Variants in DCAF6 observed in about 807,000 individuals in gnomAD.
DCAF6 encodes DDB1- and CUL4-associated factor 6.
Under a neutral mutation model 125.1 loss-of-function variants are expected in DCAF6, and 54 were observed. The observed-to-expected ratio is 0.43, with a 90% CI of 0.35 to 0.54. DCAF6 has a LOEUF of 0.54. DCAF6 is among the 20% of genes least tolerant of loss of function. The probability of loss-of-function intolerance (pLI) is 0.01; values close to 1 mark genes in which losing one functional copy is unlikely to be tolerated. For synonymous variants in DCAF6, 371 were observed against 390.4 expected (o/e 0.95, Z 0.58); for missense variants, 934 against 1,161.7 (o/e 0.80, Z 2.85).
chr1:167,942,492 T>C (rs1672405053), intron 1 of DCAF6, among the ~76,000 whole-genome samples: 1 of 152,250 alleles, frequency 6.6e-6, no homozygotes, highest in African/African-American at 2.4e-5. Context: ...TATAATTCTT[T>C]ATATAACAGT....
chr1:167,990,495 A>G (rs182472367), intron 5 of DCAF6, among the ~76,000 whole-genome samples: 3 of 152,362 alleles, frequency 2.0e-5, no homozygotes, highest in Admixed American at 2.0e-4. Flanking sequence ...TTCTAATGGT[A>G]CTAATGACTT....
chr1:168,016,650 A>G (rs17557135), intron 11 of DCAF6, among the ~76,000 whole-genome samples: 31,408 of 152,066 alleles, frequency 0.21, 3,875 homozygotes, highest in Admixed American at 0.36. Context: ...ATGATGCTCA[A>G]TAAACATTTG....
intron 7 of DCAF6, among the ~76,000 whole-genome samples, chr1:167,993,963 GTTACTAA>G (rs1048919199): frequency 6.7e-6 from 1 of 150,370 alleles, no homozygotes; most frequent in African/African-American, 2.5e-5. Flanking sequence ...TTAGCAATTA[GTTACTAA>G]TTACTAATAG....
chr1:167,944,585 C>T (rs1299768986), intron 1 of DCAF6, among the ~76,000 whole-genome samples: 1 of 151,990 alleles, frequency 6.6e-6, no homozygotes, highest in African/African-American at 2.4e-5. Flanking sequence ...TTTTCATATA[C>T]CTGTTGGGTG....
At chr1:167,965,631 G>GT (rs1460714044) in intron 2 of DCAF6, among the ~76,000 whole-genome samples, 5 of 152,004 alleles carry the variant, frequency 3.3e-5, no homozygotes, top group Admixed American at 1.3e-4. Context: ...GTTCCCTGGA[G>GT]TTTTTTTCTT....
intron 12 of DCAF6, among the ~76,000 whole-genome samples, chr1:168,028,169 A>G (rs957267470): frequency 3.3e-5 from 5 of 152,128 alleles, no homozygotes; most frequent in African/African-American, 4.8e-5. Flanking sequence ...TCTCTCTACT[A>G]TAAGAGGAAA....
chr1:168,036,043 C>G (rs376217535), intron 12 of DCAF6, among the ~76,000 whole-genome samples: 19 of 151,798 alleles, frequency 1.3e-4, no homozygotes, highest in African/African-American at 4.4e-4. Flanking sequence ...GTCTGGGGAA[C>G]AAAAAGAGCC....
the DCAF6 span, among the ~76,000 whole-genome samples, chr1:167,866,679 A>C: frequency 6.6e-6 from 1 of 151,974 alleles, no homozygotes; most frequent in Non-Finnish European, 1.5e-5. Flanking sequence ...TAACAGTGTA[A>C]CATGTATTAT....
intron 5 of DCAF6, 36 bp from the exon 6 acceptor site, chr1:167,991,168 A>C (rs778943974): frequency 9.0e-6 from 14 of 1,560,396 alleles, no homozygotes; most frequent in Non-Finnish European, 1.2e-5. Flanking sequence ...TCTGCTGTAT[A>C]ACTATATGTA....
At chr1:167,900,565 G>A in the DCAF6 span, among the ~76,000 whole-genome samples, 12 of 151,048 alleles carry the variant, frequency 7.9e-5, 1 homozygote, top group South Asian at 1.3e-3. Flanking sequence ...GGAGTTTCAC[G>A]CTTGTTGCCC....
intron 1 of DCAF6, among the ~76,000 whole-genome samples, chr1:167,945,866 A>G (rs1391362790): frequency 6.7e-6 from 1 of 150,168 alleles, no homozygotes; most frequent in Non-Finnish European, 1.5e-5. Context: ...TTCATTTTGA[A>G]TCATTATTGG....
intron 16 of DCAF6, among the ~76,000 whole-genome samples, chr1:168,050,615 C>T (rs2101850024): frequency 6.6e-6 from 1 of 152,218 alleles, no homozygotes; most frequent in Non-Finnish European, 1.5e-5. Context: ...CATACTGTGA[C>T]AGGATTGGGT....
chr1:167,953,470 A>G (rs1458566677), intron 2 of DCAF6, among the ~76,000 whole-genome samples: 3 of 152,310 alleles, frequency 2.0e-5, no homozygotes, highest in Admixed American at 2.0e-4. Flanking sequence ...CTGCCTTGGC[A>G]TATTGGACCA....
the DCAF6 span, among the ~76,000 whole-genome samples, chr1:167,896,136 G>A: frequency 1.3e-5 from 2 of 152,160 alleles, no homozygotes; most frequent in African/African-American, 4.8e-5. Flanking sequence ...GACTAGCGTA[G>A]AAGCTAGGTG....
intron 16 of DCAF6, among the ~76,000 whole-genome samples, chr1:168,046,376 T>C (rs1336515934): frequency 6.6e-6 from 1 of 152,148 alleles, no homozygotes; most frequent in Non-Finnish European, 1.5e-5. Flanking sequence ...AGAATGACTC[T>C]AGGGATAAAG....
intron 2 of DCAF6, among the ~76,000 whole-genome samples, chr1:167,958,503 G>A (rs1405631595): frequency 6.6e-6 from 1 of 151,902 alleles, no homozygotes; most frequent in African/African-American, 2.4e-5. Context: ...TGATCTGTAT[G>A]TGTTTGTTTT....
the DCAF6 span, chr1:167,919,950 A>G: frequency 6.5e-7 from 1 of 1,540,212 alleles, no homozygotes; most frequent in Non-Finnish European, 8.8e-7. Flanking sequence ...CTTTTGCAAC[A>G]GTTTTAAAAA....
chr1:168,041,442 A>C (rs766401019), intron 13 of DCAF6, among the ~76,000 whole-genome samples: 9 of 152,014 alleles, frequency 5.9e-5, no homozygotes, highest in African/African-American at 9.7e-5. Context: ...ATGCATAGGA[A>C]AGCCTTGTTA....
intron 12 of DCAF6, among the ~76,000 whole-genome samples, chr1:168,028,386 T>G (rs371597865): frequency 2.0e-5 from 3 of 152,172 alleles, no homozygotes; most frequent in African/African-American, 7.2e-5. Flanking sequence ...GTTTTAGGTT[T>G]TGGCCATGAT....
Sources: allele counts gnomAD v4.1 joint callset (sites outside exome capture counted in the v4.1 genomes callset), GRCh38; gene constraint gnomAD v4.1.1; transcripts MANE v1.5; gene names NCBI Gene and HGNC (gene_info 2026-07-23, HGNC 2026-07-21).